Variants in KIAA1671 observed in about 807,000 individuals in gnomAD.
KIAA1671 encodes uncharacterized protein KIAA1671.
Under a neutral mutation model 131.2 loss-of-function variants are expected in KIAA1671, and 52 were observed. The ratio of observed to expected loss-of-function variants is 0.40; its 90% CI spans 0.32 to 0.50. The LOEUF (loss-of-function observed/expected upper bound fraction) is 0.50, where lower values mean the gene tolerates loss of function less well. Ranked by LOEUF, KIAA1671 falls within the 20% of genes least tolerant of loss-of-function variation. The probability of loss-of-function intolerance (pLI) is 0.73; values close to 1 mark genes in which losing one functional copy is unlikely to be tolerated. For synonymous variants in KIAA1671, 1,003 were observed against 961.6 expected (o/e 1.04, Z -0.80); for missense variants, 2,360 against 2,364.2 (o/e 1.00, Z 0.04).
Position 25,001,382 on chromosome 22 carries a change from A to G in KIAA1671, c.-207-24251A>G, listed in dbSNP as rs1198682031. On this transcript the variant is annotated intron_variant, in intron 1 of 12. Transcript: ENST00000358431. The stretch of plus-strand genomic sequence containing the variant: ...TGAACAGAAATTTTCTTTAAGATCA[A>G]TCTATTCCATGTTTTCCTCTAGAAA... Among the ~76,000 whole-genome samples, 4 of 152,278 alleles carry G rather than the reference A, an allele frequency of 2.6e-5. No individual in the cohort carries two copies. In the East Asian group the frequency reaches 7.7e-4, roughly 29 times the overall value.
In KIAA1671 at chr22:25,170,889, G is replaced by C; in HGVS notation, c.4600G>C (p.Ala1534Pro). 1 of 1,551,696 alleles carries C rather than the reference G, an allele frequency of 6.4e-7. No homozygotes were observed. Among genetic ancestry groups the C allele is most frequent in the Non-Finnish European group, 8.7e-7 (1 of 1,147,014 alleles). Residue 1534 changes from alanine to proline, a missense_variant, in exon 7 of 13, where the codon GCC becomes CCC. Ala to Pro is a conservative substitution (Grantham distance 27, BLOSUM62 -1). This residue lies in a region of KIAA1671 where 1,161 missense variants were observed against 1,204.7 expected (regional missense o/e 0.96). Coordinates refer to ENST00000358431, the MANE Select transcript of KIAA1671 (RefSeq NM_001145206.2). ...PKDTDTLVHE[A>P]GSQYGTWTEQ... The stretch of plus-strand genomic sequence containing the variant: ...GGACACTGACACCCTCGTGCACGAA[G>C]CCGGCAGCCAGTATGGGACGTGGAC...
chr22:25,136,378 C>A (rs1400211404), intron 6 of KIAA1671, among the ~76,000 whole-genome samples: 3 of 152,170 alleles, frequency 2.0e-5, no homozygotes, highest in Non-Finnish European at 4.4e-5. Context: ...GATTTTGAAC[C>A]CAGGTGTGGC....
chr22:25,177,246 C>T (rs1246564224), intron 8 of KIAA1671, 102 bp from the exon 9 acceptor site: 12 of 1,131,766 alleles, frequency 1.1e-5, no homozygotes, highest in Middle Eastern at 3.0e-4. Context: ...CCTAAATAGC[C>T]TCTCATCTGT....
intron 6 of KIAA1671, among the ~76,000 whole-genome samples, chr22:25,116,430 T>TGTATGTACGTAC (rs1411127036): frequency 1.7e-4 from 24 of 140,260 alleles, no homozygotes; most frequent in African/African-American, 5.2e-4. Flanking sequence ...TATGTATGTA[T>TGTATGTACGTAC]GTACGTATTG....
intron 6 of KIAA1671, among the ~76,000 whole-genome samples, chr22:25,069,419 A>G (rs999901077): frequency 6.6e-6 from 1 of 152,162 alleles, no homozygotes; most frequent in Non-Finnish European, 1.5e-5. Flanking sequence ...CTGAAAATTG[A>G]CATTCTCCTC....
At chr22:25,032,480 C>T (rs968478868) in intron 3 of KIAA1671, 129 bp from the exon 4 acceptor site, 81 of 549,748 alleles carry the variant, frequency 1.5e-4, no homozygotes, top group African/African-American at 1.3e-3. Flanking sequence ...CTGGGCAGTT[C>T]TCCTTTTGGT....
intron 10 of KIAA1671, among the ~76,000 whole-genome samples, chr22:25,183,583 C>T (rs1485591953): frequency 6.6e-6 from 1 of 151,214 alleles, no homozygotes; most frequent in African/African-American, 2.4e-5. Context: ...GGCTAGAGTG[C>T]AGTGGTGTGA....
Position 25,040,242 on chromosome 22 carries a change from C to G in KIAA1671, c.3112C>G (p.Gln1038Glu), listed in dbSNP as rs113523980. The G allele has an allele frequency of 5.2e-5, 80 of 1,551,566 alleles. No homozygotes were observed. Among genetic ancestry groups the G allele is most frequent in the Non-Finnish European group, 6.3e-5 (72 of 1,147,016 alleles). ...AGTCACCTATCAGATTCCCAATACT[C>G]AAAAGGCAAAGGGTGTGGTTCTGTC... Reference protein sequence around the residue: ...FAVTYQIPNTQKAKGVVLSGA... With the variant: ...FAVTYQIPNTEKAKGVVLSGA... Residue 1038 changes from glutamine to glutamate, a missense_variant, in exon 5 of 13, where the codon CAA becomes GAA. Transcript: ENST00000358431.
chr22:25,136,534 C>G (rs1932682555), intron 6 of KIAA1671, among the ~76,000 whole-genome samples: 1 of 152,216 alleles, frequency 6.6e-6, no homozygotes, highest in Non-Finnish European at 1.5e-5. Context: ...CCTGGGATTT[C>G]TGGGCAGTAC....
chr22:24,990,310 C>T (rs1391874927), intron 1 of KIAA1671, among the ~76,000 whole-genome samples: 2 of 152,072 alleles, frequency 1.3e-5, no homozygotes, highest in Non-Finnish European at 2.9e-5. Context: ...ATGCTGGTCT[C>T]GAACTCATGA....
intron 6 of KIAA1671, among the ~76,000 whole-genome samples, chr22:25,067,008 T>A (rs1312745426): frequency 6.6e-6 from 1 of 152,180 alleles, no homozygotes; most frequent in Non-Finnish European, 1.5e-5. Flanking sequence ...AGCCTCTGAC[T>A]TCTGATGCAG....
Position 25,049,380 on chromosome 22 carries a change from T to G in KIAA1671, c.4530+16T>G. The G allele has an allele frequency of 6.5e-7, 1 of 1,545,814 alleles. No homozygotes were observed. The highest frequency in any genetic ancestry group is 8.8e-7 in the Non-Finnish European group (1 of 1,142,292). On this transcript the variant is annotated intron_variant, in intron 6 of 12. Transcript: ENST00000358431. ...GCCCTTTGTGGTGAGTGATGCAACA[T>G]GGCTGGAGAGGATTGCACAGGGGTG...
chr22:25,190,907 G>A, intron 12 of KIAA1671, 123 bp downstream of exon 12: 3 of 648,134 alleles, frequency 4.6e-6, no homozygotes, highest in Non-Finnish European at 8.2e-6. Context: ...TGTGTAAGGG[G>A]AAGAATGAGG....
At chr22:25,159,665 C>G (rs1933369370) in intron 6 of KIAA1671, among the ~76,000 whole-genome samples, 1 of 152,096 alleles carries the variant, frequency 6.6e-6, no homozygotes, top group Non-Finnish European at 1.5e-5. Flanking sequence ...GCCAACACCT[C>G]CAAGCTTCCC....
intron 1 of KIAA1671, among the ~76,000 whole-genome samples, chr22:24,980,172 C>T (rs530838953): frequency 6.6e-6 from 1 of 151,914 alleles, no homozygotes; most frequent in East Asian, 1.9e-4. Context: ...TTTATTCATT[C>T]ATTCATCAGT....
chr22:25,083,826 C>A (rs1473121468), intron 6 of KIAA1671, among the ~76,000 whole-genome samples: 4 of 152,234 alleles, frequency 2.6e-5, no homozygotes, highest in Non-Finnish European at 5.9e-5. Flanking sequence ...TGCCAGACCC[C>A]CTGCTGCCCC....
At chr22:25,179,502 C>T in intron 9 of KIAA1671, 1 of 1,611,916 alleles carries the variant, frequency 6.2e-7, no homozygotes, top group South Asian at 1.1e-5. Context: ...TGCAGCACCT[C>T]CCGCTCGTGC....
At chr22:24,970,336 G>A (rs555104542) in intron 1 of KIAA1671, among the ~76,000 whole-genome samples, 1 of 152,324 alleles carries the variant, frequency 6.6e-6, no homozygotes, top group Non-Finnish European at 1.5e-5. Context: ...GCCAGAGAGA[G>A]GAAAGGGCTG....
chr22:25,005,230 C>T (rs1274030476), intron 1 of KIAA1671, among the ~76,000 whole-genome samples: 1 of 151,454 alleles, frequency 6.6e-6, no homozygotes, highest in Non-Finnish European at 1.5e-5. Context: ...CACGTGTAGT[C>T]CCAGCTACTC....
Sources: allele counts gnomAD v4.1 joint callset (sites outside exome capture counted in the v4.1 genomes callset), GRCh38; gene constraint gnomAD v4.1.1; regional missense constraint gnomAD v4.1.1; transcripts MANE v1.5; gene names NCBI Gene and HGNC (gene_info 2026-07-23, HGNC 2026-07-21).